STRBP: variants seen among roughly 807,000 people sequenced by gnomAD.
STRBP encodes the protein spermatid perinuclear RNA-binding protein.
STRBP carries 13 observed loss-of-function variants against 80.1 expected under a neutral mutation model. The ratio of observed to expected loss-of-function variants is 0.16; its 90% CI spans 0.11 to 0.26. STRBP has a LOEUF of 0.26. Ranked by LOEUF, STRBP falls within the 10% of genes least tolerant of loss-of-function variation. STRBP has a pLI of 1.00. For synonymous variants in STRBP, 284 were observed against 291.2 expected (o/e 0.98, Z 0.25); for missense variants, 485 against 815.2 (o/e 0.59, Z 4.93).
intron 2 of STRBP, among the ~76,000 whole-genome samples, chr9:123,116,615 C>T (rs1469824247): frequency 6.6e-6 from 1 of 152,096 alleles, no homozygotes; most frequent in East Asian, 1.9e-4. Context: ...TTGGTTTTTG[C>T]TTGGTTTCAA....
rs1406992685 is a variant in STRBP at position 123,146,957 on chromosome 9, G to T, written c.1236C>A (p.Pro412=). 4 of 1,614,020 alleles carry T rather than the reference G, an allele frequency of 2.5e-6. No homozygotes were observed. The highest frequency in any genetic ancestry group is 3.4e-6 in the Non-Finnish European group (4 of 1,179,966). ...ACATTGTGAAGACTGGGGCATGAAC[G>T]GGGCCAGACTGAGATAGGAGCTTAT... ...LQYKLLSQSG[P]VHAPVFTMSV... Residue 412 remains proline, a synonymous_variant, in exon 13 of 19, where the codon CCC becomes CCA. Coordinates refer to ENST00000348403, the MANE Select transcript of STRBP (RefSeq NM_018387.5).
At chr9:123,165,573 ATCC>A (rs1263521531) in intron 6 of STRBP, among the ~76,000 whole-genome samples, 1 of 152,282 alleles carries the variant, frequency 6.6e-6, no homozygotes, top group East Asian at 1.9e-4. Context: ...TAGTTTCCTT[ATCC>A]ACCTGGTTTC....
At chr9:123,164,592 G>A (rs2132409165) in intron 6 of STRBP, among the ~76,000 whole-genome samples, 1 of 151,938 alleles carries the variant, frequency 6.6e-6, no homozygotes, top group South Asian at 2.1e-4. Context: ...CTGGAGATGG[G>A]GCTGGCAAAA....
intron 3 of STRBP, 106 bp from the exon 4 acceptor site, chr9:123,179,333 T>G (rs2038356533): frequency 2.2e-6 from 2 of 919,994 alleles, no homozygotes; most frequent in Non-Finnish European, 3.2e-6. Context: ...GACTGTCTAC[T>G]GTGAAACAGT....
intron 2 of STRBP, among the ~76,000 whole-genome samples, 200 bp downstream of exon 2, chr9:123,236,630 T>C (rs975387008): frequency 6.7e-5 from 10 of 149,270 alleles, no homozygotes; most frequent in Non-Finnish European, 8.9e-5. Flanking sequence ...GTGACCACAG[T>C]AAATATAAAA....
At chr9:123,192,828 TCTTCAAAAC>T (rs1212660316) in intron 2 of STRBP, among the ~76,000 whole-genome samples, 3 of 152,150 alleles carry the variant, frequency 2.0e-5, no homozygotes, top group African/African-American at 7.2e-5. Context: ...ATCAGACTCC[TCTTCAAAAC>T]CTTCAATAAC....
At chr9:123,254,001 C>T (rs971779151) in intron 1 of STRBP, among the ~76,000 whole-genome samples, 5 of 151,992 alleles carry the variant, frequency 3.3e-5, no homozygotes, top group Non-Finnish European at 5.9e-5. Context: ...TAAACTGAAT[C>T]GTTCAGTTTA....
chr9:123,147,267 C>T (rs926746981), intron 12 of STRBP, among the ~76,000 whole-genome samples: 10 of 152,068 alleles, frequency 6.6e-5, no homozygotes, highest in South Asian at 2.1e-4. Context: ...CATTAATTTT[C>T]GCTTGTCAAT....
At chr9:123,114,422 A>G (rs562492666) in intron 3 of STRBP, 2 of 167,264 alleles carry the variant, frequency 1.2e-5, no homozygotes, top group African/African-American at 4.8e-5. Flanking sequence ...ACCCTTGCTT[A>G]GGTTAAAAAT....
intron 1 of STRBP, among the ~76,000 whole-genome samples, chr9:123,257,950 A>G (rs1334236866): frequency 1.3e-5 from 2 of 152,032 alleles, no homozygotes; most frequent in East Asian, 3.8e-4. Flanking sequence ...TCCCCATGCA[A>G]CCAGCATAGT....
At chr9:123,259,352 T>C (rs1208316963) in intron 1 of STRBP, among the ~76,000 whole-genome samples, 1 of 151,964 alleles carries the variant, frequency 6.6e-6, no homozygotes, top group Middle Eastern at 3.2e-3. Flanking sequence ...GGATAGAAGA[T>C]ATAAGAGATG....
At chr9:123,231,445 G>T (rs1224433908) in intron 2 of STRBP, among the ~76,000 whole-genome samples, 1 of 152,042 alleles carries the variant, frequency 6.6e-6, no homozygotes, top group Non-Finnish European at 1.5e-5. Context: ...ACATATAAGC[G>T]CAATTTAATA....
At chr9:123,261,562 G>T (rs1204654513) in intron 1 of STRBP, among the ~76,000 whole-genome samples, 2 of 152,156 alleles carry the variant, frequency 1.3e-5, no homozygotes, top group Non-Finnish European at 2.9e-5. Context: ...AGTCAATGTT[G>T]TATAGTTCTA....
chr9:123,121,372 A>G (rs1462853678), downstream of STRBP: 1 of 152,236 alleles, frequency 6.6e-6, no homozygotes, highest in African/African-American at 2.4e-5. Flanking sequence ...AATGAAGCAA[A>G]TCTTTATTAA....
Position 123,183,018 on chromosome 9 carries a change from A to AC in STRBP, c.3+1113_3+1114insG, listed in dbSNP as rs1316333116. Among the ~76,000 whole-genome samples the AC allele has an allele frequency of 1.1e-4, 3 of 27,284 alleles. No individual in the cohort carries two copies. In the Admixed American group the frequency reaches 1.8e-3, roughly 16 times the overall value. 17.9% of individuals were successfully genotyped at this position (27,284 alleles called of 152,430 possible). A position where few individuals can be genotyped will look rare whatever the true frequency, so the allele number is the denominator to read the frequency against. Reference sequence around the variant, plus strand: ...GGACAGAGCAAGATCCTGTCTCAAAAAAAAAAAAAAAAAAAAAAAACAAAA... The same window carrying AC: ...GGACAGAGCAAGATCCTGTCTCAAAACAAAAAAAAAAAAAAAAAAAACAAAA... On this transcript the variant is annotated intron_variant, in intron 3 of 18. Coordinates refer to ENST00000348403, the MANE Select transcript of STRBP (RefSeq NM_018387.5).
intron 1 of STRBP, among the ~76,000 whole-genome samples, chr9:123,242,644 A>G (rs1431793841): frequency 6.6e-6 from 1 of 152,004 alleles, no homozygotes; most frequent in Non-Finnish European, 1.5e-5. Context: ...TGGGTGACAG[A>G]GTGAGACCCT....
At chr9:123,131,273 T>A (rs116420253) in intron 17 of STRBP, among the ~76,000 whole-genome samples, 250 of 152,330 alleles carry the variant, frequency 1.6e-3, no homozygotes, top group African/African-American at 5.7e-3. Context: ...ACTATTCTCC[T>A]AAGAACCCAT....
rs373189507 is a variant in STRBP at position 123,257,765 on chromosome 9, C to T, written c.-302+10671G>A. ...CTAGGAGGTTGAGGCTGCAGTGAGC[C>T]GTGATCACACCACTGCACTCCAGCC... On this transcript the variant is annotated intron_variant, in intron 1 of 18. Coordinates refer to ENST00000348403, the MANE Select transcript of STRBP (RefSeq NM_018387.5). Among the ~76,000 whole-genome samples, 25 of 152,000 alleles carry T rather than the reference C, an allele frequency of 1.6e-4. 1 individual carries two copies. The highest frequency in any genetic ancestry group is 9.8e-4 in the Admixed American group (15 of 15,278).
intron 12 of STRBP, among the ~76,000 whole-genome samples, 195 bp downstream of exon 12, chr9:123,147,583 T>G (rs1486135050): frequency 6.6e-6 from 1 of 150,488 alleles, no homozygotes; most frequent in African/African-American, 2.5e-5. Flanking sequence ...AAGGCTGAGG[T>G]TGAAGGATCA....
Sources: gnomAD v4.1 joint callset for allele counts (sites outside exome capture counted in the v4.1 genomes callset) on GRCh38, gnomAD v4.1.1 for gene constraint, MANE v1.5 for transcripts, NCBI Gene and HGNC (gene_info 2026-07-23, HGNC 2026-07-21) for gene names.